The following ZBBX variants were observed in gnomAD, a reference collection of about 807,000 sequenced individuals.
ZBBX encodes zinc finger B-box domain containing.
Under a neutral mutation model 108.5 loss-of-function variants are expected in ZBBX, and 101 were observed. The ratio of observed to expected loss-of-function variants is 0.93; its 90% CI spans 0.79 to 1.10. The LOEUF (loss-of-function observed/expected upper bound fraction) is 1.10, where lower values mean the gene tolerates loss of function less well. Among genes scored for constraint, ZBBX ranks in the 50% least tolerant of loss-of-function variants. ZBBX has a pLI of 0.00. For missense variants in ZBBX, 1,009 were observed against 941.4 expected (o/e 1.07, Z -0.94); for synonymous variants, 356 against 323.4 (o/e 1.10, Z -1.08).
At chr3:167,280,229 A>G (rs1331242252) in intron 20 of ZBBX, among the ~76,000 whole-genome samples, 2 of 152,126 alleles carry the variant, frequency 1.3e-5, no homozygotes, top group African/African-American at 4.8e-5. Context: ...AATGGCAACA[A>G]CAGCCAAAAT....
At chr3:167,366,975 AG>A (rs368774346) in intron 5 of ZBBX, 2 of 454,688 alleles carry the variant, frequency 4.4e-6, no homozygotes, top group Non-Finnish European at 8.8e-6. Flanking sequence ...GCTCTATTAG[AG>A]GGGGTATGTA....
At chr3:167,274,953 C>G (rs970191806) in intron 20 of ZBBX, among the ~76,000 whole-genome samples, 19 of 152,084 alleles carry the variant, frequency 1.2e-4, no homozygotes, top group Admixed American at 3.3e-4. Flanking sequence ...AAGAAAATTG[C>G]CTTGATGAGG....
chr3:167,364,643 T>C (rs1193932851), intron 6 of ZBBX, among the ~76,000 whole-genome samples: 1 of 151,982 alleles, frequency 6.6e-6, no homozygotes, highest in Non-Finnish European at 1.5e-5. Context: ...CTTAATGAGA[T>C]AAGAAAGGAA....
At chr3:167,205,425 T>C in the ZBBX span, among the ~76,000 whole-genome samples, 1 of 152,320 alleles carries the variant, frequency 6.6e-6, no homozygotes. Context: ...TCTTCCATTA[T>C]ACATGATCAA....
intron 20 of ZBBX, among the ~76,000 whole-genome samples, chr3:167,258,275 T>A (rs1346344630): frequency 6.6e-6 from 1 of 152,092 alleles, no homozygotes; most frequent in Non-Finnish European, 1.5e-5. Flanking sequence ...TACCATTTGA[T>A]CCAGAAATCC....
intron 1 of ZBBX, among the ~76,000 whole-genome samples, chr3:167,386,124 C>A (rs962681917): frequency 6.6e-6 from 1 of 150,678 alleles, no homozygotes; most frequent in Non-Finnish European, 1.5e-5. Context: ...GTCATTTGGA[C>A]AGAAGAAAGA....
At chr3:167,308,367 T>C (rs1306388884) in intron 16 of ZBBX, among the ~76,000 whole-genome samples, 1 of 152,170 alleles carries the variant, frequency 6.6e-6, no homozygotes, top group Non-Finnish European at 1.5e-5. Context: ...GGTAGGAATG[T>C]AAATTAGTTC....
intron 8 of ZBBX, 38 bp downstream of exon 8, chr3:167,359,832 T>A: frequency 9.7e-7 from 1 of 1,030,770 alleles, no homozygotes; most frequent in Non-Finnish European, 1.4e-6. Context: ...ATATACCTAC[T>A]ATACAGTATA....
chr3:167,310,684 T>C (rs1734432259), intron 16 of ZBBX, among the ~76,000 whole-genome samples: 1 of 152,108 alleles, frequency 6.6e-6, no homozygotes, highest in South Asian at 2.1e-4. Context: ...ACTCCTATGA[T>C]CCAATCACCT....
the ZBBX span, among the ~76,000 whole-genome samples, chr3:167,187,708 T>C: frequency 6.6e-6 from 1 of 152,200 alleles, no homozygotes; most frequent in Non-Finnish European, 1.5e-5. Context: ...CCAACAAATA[T>C]GTCTGAAGCA....
intron 16 of ZBBX, among the ~76,000 whole-genome samples, chr3:167,308,123 A>G (rs898671434): frequency 6.6e-6 from 1 of 152,176 alleles, no homozygotes; most frequent in Non-Finnish European, 1.5e-5. Flanking sequence ...GCAAGAAAAA[A>G]GCAATCTCAA....
Position 167,283,599 on chromosome 3 carries a change from G to A in ZBBX, c.1997-1104C>T, listed in dbSNP as rs375757920. Reference sequence around the variant, plus strand: ...AAAATTCAAAAAAGTGACTACAGGCGGTAATCATGTATTAAATATTTAATG... The same window carrying A: ...AAAATTCAAAAAAGTGACTACAGGCAGTAATCATGTATTAAATATTTAATG... On this transcript the variant is annotated intron_variant, in intron 19 of 21. Transcript: ENST00000675490. Among the ~76,000 whole-genome samples, 33 of 152,172 alleles carry A rather than the reference G, an allele frequency of 2.2e-4. 1 individual carries two copies. In the South Asian group the frequency reaches 6.2e-3, roughly 29 times the overall value.
intron 10 of ZBBX, among the ~76,000 whole-genome samples, chr3:167,330,973 C>CTCTCTCTCTCTCTCTCTCTCTCTCTCT (rs1377045353): frequency 2.7e-5 from 4 of 148,978 alleles, no homozygotes; most frequent in African/African-American, 9.9e-5. Context: ...CTCCCCCACT[C>CTCTCTCTCTCTCTCTCTCTCTCTCTCT]CCCTTCTGTA....
intron 20 of ZBBX, among the ~76,000 whole-genome samples, chr3:167,243,267 A>C (rs1720992934): frequency 6.6e-6 from 1 of 152,250 alleles, no homozygotes. Context: ...GTATGTAACT[A>C]AATATCATTG....
chr3:167,380,967 C>A (rs553310904), upstream of ZBBX, among the ~76,000 whole-genome samples: 2 of 151,574 alleles, frequency 1.3e-5, no homozygotes, highest in Admixed American at 6.6e-5. Flanking sequence ...GTGAATTTAT[C>A]TTTGGCTTCC....
At chr3:167,305,180 T>C (rs553410205) in intron 17 of ZBBX, among the ~76,000 whole-genome samples, 28 of 152,256 alleles carry the variant, frequency 1.8e-4, no homozygotes, top group African/African-American at 6.5e-4. Flanking sequence ...CTCTATTTCC[T>C]TATTAGCCAT....
At chr3:167,384,315 C>A (rs893169152), upstream of ZBBX, among the ~76,000 whole-genome samples, 8 of 152,068 alleles carry the variant, frequency 5.3e-5, no homozygotes, top group Admixed American at 4.6e-4. Context: ...ATTTTGTAAA[C>A]TCTCAATAGG....
In ZBBX at chr3:167,350,522, A is replaced by C. The variant is rs754911629; in HGVS notation, c.433-7T>G. ...CTCCACATTCAAGGCATACCTAAAA[A>C]GATATTTTTTAAAAAATTATACAAT... On this transcript the variant is annotated splice_region_variant and splice_polypyrimidine_tract_variant and intron_variant, in intron 8 of 21. Transcript: ENST00000675490. 7.1e-6 allele frequency: 11 copies of C among 1,558,236 alleles called. No homozygotes were observed. Among genetic ancestry groups the C allele is most frequent in the African/African-American group, 1.4e-5 (1 of 73,586 alleles).
At chr3:167,318,068 T>C (rs1353304812) in intron 12 of ZBBX, among the ~76,000 whole-genome samples, 3 of 151,948 alleles carry the variant, frequency 2.0e-5, no homozygotes, top group African/African-American at 7.2e-5. Context: ...ATGTAAGGTG[T>C]TCAGGCTGTG....
Sources: allele counts gnomAD v4.1 joint callset (sites outside exome capture counted in the v4.1 genomes callset), GRCh38; gene constraint gnomAD v4.1.1; transcripts MANE v1.5; gene names NCBI Gene and HGNC (gene_info 2026-07-23, HGNC 2026-07-21).